Variants in NFATC2 observed in about 807,000 individuals in gnomAD.
The protein encoded by NFATC2 is nuclear factor of activated T-cells, cytoplasmic 2.
In NFATC2, 22 loss-of-function variants were observed where a neutral mutation model predicts 87.3. That is an observed-to-expected ratio of 0.25 (90% CI 0.18 to 0.36). The LOEUF is 0.36. Among genes scored for constraint, NFATC2 ranks in the 10% least tolerant of loss-of-function variants. The probability of loss-of-function intolerance (pLI) is 1.00; values close to 1 mark genes in which losing one functional copy is unlikely to be tolerated. For missense variants in NFATC2, 1,149 were observed against 1,259.1 expected, an observed-to-expected ratio of 0.91 and a Z score of 1.32; for synonymous variants, 565 against 542.2, an observed-to-expected ratio of 1.04 and a Z score of -0.58.
chr20:51,403,174 G>T (rs1257669653), intron 9 of NFATC2, among the ~76,000 whole-genome samples: 1 of 152,146 alleles, frequency 6.6e-6, no homozygotes, highest in Non-Finnish European at 1.5e-5. Flanking sequence ...TTTAAGTCTT[G>T]GATTTCCCAT....
intron 6 of NFATC2, among the ~76,000 whole-genome samples, chr20:51,454,343 G>A (rs758679092): frequency 6.6e-6 from 1 of 152,204 alleles, no homozygotes; most frequent in Non-Finnish European, 1.5e-5. Context: ...AAATGACCTA[G>A]AAGAGTTAAA....
rs541606508 is a variant in NFATC2, at chr20:51,562,039, G to A, written c.70+521C>T. 1.3e-5 allele frequency among the ~76,000 whole-genome samples: 2 copies of A among 152,264 alleles called. No individual in the cohort carries two copies. The highest frequency in any genetic ancestry group is 4.8e-5 in the African/African-American group (2 of 41,542). ...TCTATCCAGCAGGCACATCAAAAAG[G>A]GGGAAGAAAATAGTTTAAATGTCCC... On this transcript the variant is annotated intron_variant, in intron 1 of 10. Transcript: ENST00000414705. This position sits in a 1 kb window ranked among gnomAD's most constrained non-coding sequence, Gnocchi z 5.8.
chr20:51,491,794 C>A (rs1015035562), intron 3 of NFATC2, among the ~76,000 whole-genome samples: 4 of 151,604 alleles, frequency 2.6e-5, no homozygotes. Context: ...TTGCAGTCTG[C>A]CCATCTCTTA....
At chr20:51,431,985 G>A (rs371799902) in intron 9 of NFATC2, 82 bp downstream of exon 9, 301 of 1,384,780 alleles carry the variant, frequency 2.2e-4, no homozygotes, top group East Asian at 1.7e-3. Flanking sequence ...TACGGAATCC[G>A]TAGGCCATGC....
Position 51,432,604 on chromosome 20 carries a change from G to C in NFATC2, c.2185C>G (p.Gln729Glu), listed in dbSNP as rs1982925752. Residue 729 changes from glutamine to glutamate, a missense_variant, in exon 9 of 11, where the codon CAG becomes GAG. Transcript: ENST00000371564. This position sits in a 1 kb window ranked among gnomAD's most constrained non-coding sequence, Gnocchi z 4.6. ...SCLVATMAPC[Q>E]QFRTGLSSPD... ...GATGAGAGCCCCGTGCGGAACTGCT[G>C]GCAGGGAGCCATGGTGGCCACGAGG... 1 of 1,530,044 alleles carries C rather than the reference G, an allele frequency of 6.5e-7. No homozygotes were observed. Among genetic ancestry groups the C allele is most frequent in the Non-Finnish European group, 8.8e-7 (1 of 1,139,500 alleles). The allele number at this position is 1,530,044 out of a possible 1,614,324, so 94.8% of individuals were successfully genotyped here.
chr20:51,407,265 T>A (rs1978477799), intron 9 of NFATC2, among the ~76,000 whole-genome samples: 1 of 152,116 alleles, frequency 6.6e-6, no homozygotes, highest in South Asian at 2.1e-4. Context: ...TGCCACCCCA[T>A]CATGCCCTGT....
chr20:51,537,326 C>T (rs201121883), intron 1 of NFATC2, among the ~76,000 whole-genome samples: 7 of 152,114 alleles, frequency 4.6e-5, no homozygotes, highest in East Asian at 3.9e-4. Context: ...AGCATGCACA[C>T]GCATCGTGTG....
At chr20:51,543,424 C>A (rs1469668485), upstream of NFATC2, among the ~76,000 whole-genome samples, 1 of 152,190 alleles carries the variant, frequency 6.6e-6, no homozygotes, top group Non-Finnish European at 1.5e-5. Context: ...GTTGGGGTGG[C>A]TTTAGTCCCT....
chr20:51,515,058 G>A (rs995891235), intron 3 of NFATC2, among the ~76,000 whole-genome samples: 6 of 152,176 alleles, frequency 3.9e-5, no homozygotes, highest in African/African-American at 1.4e-4. Flanking sequence ...CAGTGGTCCC[G>A]CTGTGCTGAG....
At chr20:51,484,736 A>C (rs1989566192) in intron 3 of NFATC2, among the ~76,000 whole-genome samples, 1 of 152,180 alleles carries the variant, frequency 6.6e-6, no homozygotes, top group South Asian at 2.1e-4. Flanking sequence ...GGCACGACTC[A>C]GCTGGTTGGA....
At chr20:51,396,072 A>G (rs1463394988) in intron 10 of NFATC2, among the ~76,000 whole-genome samples, 2 of 29,412 alleles carry the variant, frequency 6.8e-5, no homozygotes, top group South Asian at 1.8e-3. Flanking sequence ...ATATATATAT[A>G]TATATATATA....
chr20:51,473,994 T>G lies in NFATC2; in HGVS notation c.1694A>C (p.Asn565Thr). ...GRIVSLQTASNPIECSQRSAH... is the reference protein window; with the variant it reads ...GRIVSLQTASTPIECSQRSAH... ...GCCCAACTTACAGCACTCGATGGGG[T>G]TAGATGCAGTCTGTAAAGAGACGAT... The change falls in exon 5 of 11, where the codon AAC (asparagine) becomes ACC (threonine). Residue 565 changes from asparagine (N) to threonine (T), a missense_variant. Physicochemically the swap from Asn to Thr is moderately conservative, Grantham distance 65. Around this residue, in one of 3 missense-constraint regions of NFATC2, gnomAD observed 581 missense variants for 649.7 expected, o/e 0.89. Transcript: ENST00000371564. 6.2e-7 allele frequency: 1 copy of G among 1,614,162 alleles called. No homozygotes were observed. The highest frequency in any genetic ancestry group is 1.6e-4 in the Middle Eastern group (1 of 6,062).
At chr20:51,454,710 G>A (rs760227066) in intron 5 of NFATC2, 22 bp from the exon 6 acceptor site, 1 of 1,613,264 alleles carries the variant, frequency 6.2e-7, no homozygotes, top group East Asian at 2.2e-5. Context: ...AGAGAGAGAA[G>A]TCACTGTGAT....
intron 1 of NFATC2, among the ~76,000 whole-genome samples, chr20:51,558,141 G>T (rs1348171758): frequency 9.2e-5 from 14 of 152,164 alleles, no homozygotes. Context: ...AGGAATTCAA[G>T]ACCAGCCTGG....
chr20:51,417,498 C>T (rs1052768068), intron 9 of NFATC2, among the ~76,000 whole-genome samples: 6 of 152,166 alleles, frequency 3.9e-5, no homozygotes, highest in Admixed American at 3.9e-4. Flanking sequence ...AATTCCTTCC[C>T]CTCACTCTCT....
intron 9 of NFATC2, among the ~76,000 whole-genome samples, chr20:51,403,723 A>G (rs925986566): frequency 6.6e-6 from 1 of 152,174 alleles, no homozygotes; most frequent in Non-Finnish European, 1.5e-5. Flanking sequence ...AGAAAAGGTG[A>G]CTGTCTGCAA....
At chr20:51,499,763 G>A (rs1289629936) in intron 3 of NFATC2, among the ~76,000 whole-genome samples, 5 of 150,254 alleles carry the variant, frequency 3.3e-5, no homozygotes, top group Non-Finnish European at 7.4e-5. Flanking sequence ...AAGAAAGAAA[G>A]AAAGAAAGAA....
intron 5 of NFATC2, among the ~76,000 whole-genome samples, chr20:51,467,308 A>G (rs1430105767): frequency 6.6e-6 from 1 of 152,014 alleles, no homozygotes; most frequent in Non-Finnish European, 1.5e-5. Context: ...CGTAATCCCA[A>G]CAGTTTGGGA....
upstream of NFATC2, among the ~76,000 whole-genome samples, chr20:51,545,593 T>C (rs973509654): frequency 5.9e-5 from 9 of 151,450 alleles, no homozygotes; most frequent in African/African-American, 2.2e-4. Context: ...GGATGGAAGA[T>C]GGATGGATGG....
Sources: allele counts gnomAD v4.1 joint callset (sites outside exome capture counted in the v4.1 genomes callset), GRCh38; gene constraint gnomAD v4.1.1; regional missense constraint gnomAD v4.1.1; non-coding constraint Gnocchi (gnomAD v3.1); transcripts MANE v1.5; gene names NCBI Gene and HGNC (gene_info 2026-07-23, HGNC 2026-07-21).